Variants in KLHL3 observed in about 807,000 individuals in gnomAD.
KLHL3 encodes the protein kelch like family member 3.
In KLHL3, 19 loss-of-function variants were observed where a neutral mutation model predicts 70.5. The observed-to-expected ratio is 0.27, with a 90% CI of 0.19 to 0.40. The LOEUF (loss-of-function observed/expected upper bound fraction) is 0.40, where lower values mean the gene tolerates loss of function less well. Ranked by LOEUF, KLHL3 falls within the 10% of genes least tolerant of loss-of-function variation. The pLI, the probability that KLHL3 is intolerant of heterozygous loss-of-function variation, is 1.00. For missense variants in KLHL3, 512 were observed against 771.1 expected, an observed-to-expected ratio of 0.66 and a Z score of 3.98; for synonymous variants, 258 against 290.3, an observed-to-expected ratio of 0.89 and a Z score of 1.13.
chr5:137,655,141 A>G (rs945388119), intron 8 of KLHL3, among the ~76,000 whole-genome samples: 1 of 152,204 alleles, frequency 6.6e-6, no homozygotes, highest in African/African-American at 2.4e-5. Context: ...ATGAGAACCA[A>G]TTTCCAAAGG....
Position 137,630,514 on chromosome 5 carries a change from C to G in KLHL3, c.1451-2077G>C, listed in dbSNP as rs906615504. The stretch of plus-strand genomic sequence containing the variant: ...GCTTTCGGCCCTAGGAGCAGTCACA[C>G]ATCTCAGGGTGTGCTGCCCCAGGCA... On this transcript the variant is annotated intron_variant, in intron 12 of 14. Coordinates refer to ENST00000309755, the MANE Select transcript of KLHL3 (RefSeq NM_017415.3). Among the ~76,000 whole-genome samples, 5 of 152,174 alleles carry G rather than the reference C, an allele frequency of 3.3e-5. No homozygotes were observed. In the South Asian group the frequency reaches 8.3e-4, roughly 25 times the overall value.
chr5:137,668,124 C>T (rs757314147), intron 6 of KLHL3, among the ~76,000 whole-genome samples: 2 of 152,160 alleles, frequency 1.3e-5, no homozygotes, highest in Non-Finnish European at 2.9e-5. Context: ...AAACCTAGGC[C>T]AGGCAAGGTG....
chr5:137,683,546 T>C (rs1168029343), intron 5 of KLHL3, among the ~76,000 whole-genome samples: 2 of 152,092 alleles, frequency 1.3e-5, no homozygotes, highest in Non-Finnish European at 1.5e-5. Flanking sequence ...GTTTCTCTGC[T>C]CTAGGGAAAA....
intron 5 of KLHL3, among the ~76,000 whole-genome samples, chr5:137,685,206 A>G (rs934488808): frequency 6.6e-6 from 1 of 152,238 alleles, no homozygotes; most frequent in Non-Finnish European, 1.5e-5. Flanking sequence ...ATTGTACCCT[A>G]CAGGTATACT....
chr5:137,627,486 C>CT (rs1157983231), intron 13 of KLHL3, among the ~76,000 whole-genome samples: 2 of 130,920 alleles, frequency 1.5e-5, no homozygotes, highest in Non-Finnish European at 3.5e-5. Context: ...CACCCCCCCC[C>CT]CCGGTTTACA....
chr5:137,719,657 G>A (rs1029831460), intron 2 of KLHL3, among the ~76,000 whole-genome samples: 16 of 152,348 alleles, frequency 1.1e-4, no homozygotes, highest in Non-Finnish European at 1.6e-4. Flanking sequence ...AGCTCAGAGA[G>A]GATGAGTATA....
intron 8 of KLHL3, among the ~76,000 whole-genome samples, chr5:137,640,737 C>A (rs954054768): frequency 2.6e-5 from 4 of 151,688 alleles, no homozygotes; most frequent in African/African-American, 7.3e-5. Flanking sequence ...CCAGCCACCC[C>A]CCCCAACTCC....
At chr5:137,667,473 G>A (rs796938307) in intron 6 of KLHL3, among the ~76,000 whole-genome samples, 1 of 152,306 alleles carries the variant, frequency 6.6e-6, no homozygotes, top group African/African-American at 2.4e-5. Context: ...CAAGTGGAAA[G>A]GAGTTGGAGA....
chr5:137,668,516 C>T (rs1037019653), intron 6 of KLHL3, among the ~76,000 whole-genome samples: 3 of 152,186 alleles, frequency 2.0e-5, no homozygotes, highest in African/African-American at 7.2e-5. Flanking sequence ...GGGACACCTC[C>T]CCTAGGTCTC....
At chr5:137,707,842 A>C (rs180909485) in intron 3 of KLHL3, among the ~76,000 whole-genome samples, 13 of 152,352 alleles carry the variant, frequency 8.5e-5, no homozygotes, top group Admixed American at 7.8e-4. Flanking sequence ...GCTACTTCAG[A>C]GGCAAGTTCG....
intron 14 of KLHL3, among the ~76,000 whole-genome samples, chr5:137,623,446 T>TGGTCTTGACA (rs928011430): frequency 6.6e-6 from 1 of 152,238 alleles, no homozygotes; most frequent in African/African-American, 2.4e-5. Context: ...TCCAGGTGCC[T>TGGTCTTGACA]GGTCTTGACA....
At chr5:137,658,411 G>A (rs1263784076) in intron 7 of KLHL3, 131 bp from the exon 8 acceptor site, 10 of 867,546 alleles carry the variant, frequency 1.2e-5, no homozygotes, top group Non-Finnish European at 1.9e-5. Context: ...CAGACCCAAA[G>A]AGTTACAACT....
At chr5:137,670,081 G>A (rs959646572) in intron 6 of KLHL3, among the ~76,000 whole-genome samples, 7 of 152,316 alleles carry the variant, frequency 4.6e-5, no homozygotes, top group South Asian at 2.1e-4. Flanking sequence ...ACGCAGTGGC[G>A]TGGGAGGCAA....
chr5:137,698,308 C>T lies in KLHL3; in HGVS notation c.342G>A (p.Glu114=). The T allele has an allele frequency of 6.2e-7, 1 of 1,614,160 alleles. No individual in the cohort carries two copies. The highest frequency in any genetic ancestry group is 1.1e-5 in the South Asian group (1 of 91,074). Residue 114 remains glutamate (E), a synonymous_variant, in exon 4 of 15, where the codon GAG becomes GAA. Transcript: ENST00000309755. ...TTACCTGGACATTCTCTTCAGTCAC[C>T]TCGATTTCAGCAGTATAGATGTAGT... ...LIDYIYTAEI[E]VTEENVQVLL... is the part of the protein sequence containing the mutation.
At chr5:137,698,237 G>A in intron 4 of KLHL3, 50 bp downstream of exon 4, 1 of 1,598,062 alleles carries the variant, frequency 6.3e-7, no homozygotes, top group Non-Finnish European at 8.6e-7. Flanking sequence ...CTGTAAAATG[G>A]TGGGTCCTGA....
intron 14 of KLHL3, 89 bp downstream of exon 14, chr5:137,625,664 C>G: frequency 6.7e-7 from 1 of 1,495,460 alleles, no homozygotes; most frequent in Non-Finnish European, 9.2e-7. Context: ...AGCAAGCTCA[C>G]ATCCCCTCAT....
At chr5:137,705,387 C>T (rs1161082356) in intron 3 of KLHL3, among the ~76,000 whole-genome samples, 1 of 152,166 alleles carries the variant, frequency 6.6e-6, no homozygotes, top group Non-Finnish European at 1.5e-5. Context: ...GTGGATGATT[C>T]CTGCCTACTC....
intron 3 of KLHL3, among the ~76,000 whole-genome samples, chr5:137,704,310 G>A (rs990858813): frequency 3.3e-5 from 5 of 152,030 alleles, no homozygotes; most frequent in South Asian, 4.2e-4. Context: ...GTGTGAACCC[G>A]GGAAGCGGAG....
At chr5:137,724,269 T>C (rs1436772737) in intron 1 of KLHL3, among the ~76,000 whole-genome samples, 1 of 152,184 alleles carries the variant, frequency 6.6e-6, no homozygotes, top group African/African-American at 2.4e-5. Context: ...ACTAGTAAGA[T>C]TAAAGCACGG....
Sources: gnomAD v4.1 joint callset for allele counts (sites outside exome capture counted in the v4.1 genomes callset) on GRCh38, gnomAD v4.1.1 for gene constraint, MANE v1.5 for transcripts, NCBI Gene and HGNC (gene_info 2026-07-23, HGNC 2026-07-21) for gene names.